Variants in MDC1 observed in about 807,000 individuals in gnomAD.
MDC1 encodes the protein mediator of DNA damage checkpoint 1.
Under a neutral mutation model 142.5 loss-of-function variants are expected in MDC1, and 81 were observed. The ratio of observed to expected loss-of-function variants is 0.57; its 90% confidence interval spans 0.47 to 0.68. The LOEUF is 0.68. MDC1 is among the 30% of genes least tolerant of loss of function. MDC1 has a pLI of 0.00. For missense variants in MDC1, 2,119 were observed against 2,547.9 expected (o/e 0.83, Z 3.62); for synonymous variants, 797 against 968.4 (o/e 0.82, Z 3.29).
rs1773032438 is a variant in MDC1, at chr6:30,703,017, A to G, written c.5865+87T>C. 7 of 1,576,576 alleles carry G rather than the reference A, an allele frequency of 4.4e-6. No individual in the cohort carries two copies. The highest frequency in any genetic ancestry group is 1.8e-5 in the Admixed American group (1 of 56,822). ...TCACCAATGCCCCTGTCTTCCTGTA[A>G]CGCCTCTTCCCTTCCACCACTTTCT... On this transcript the variant is annotated intron_variant, in intron 12 of 14. Transcript: ENST00000376406. The surrounding 1 kb of genome is among the most constrained non-coding windows in gnomAD (Gnocchi z 4.4).
chr6:30,713,230 T>C lies in MDC1; in HGVS notation c.712A>G (p.Arg238Gly). ...PATEEASSAA[R>G]RGATVEAKQS... Reference sequence around the variant, plus strand: ...TTTGCCTCTACAGTGGCACCTCTTCTGGCAGCTGAGGAGGCCTCCTCTGTG... The same window carrying C: ...TTTGCCTCTACAGTGGCACCTCTTCCGGCAGCTGAGGAGGCCTCCTCTGTG... Residue 238 changes from arginine (R) to glycine (G), a missense_variant, in exon 5 of 15, where the codon AGA becomes GGA. Physicochemically the swap from Arg to Gly is moderately radical, Grantham distance 125 (BLOSUM62 -2). Transcript: ENST00000376406. The surrounding 1 kb of genome is among the most constrained non-coding windows in gnomAD (Gnocchi z 4.9). 1 of 1,612,974 alleles carries C rather than the reference T, an allele frequency of 6.2e-7. No individual in the cohort carries two copies. The highest frequency in any genetic ancestry group is 8.5e-7 in the Non-Finnish European group (1 of 1,180,000).
At chr6:30,711,338 T>C in intron 7 of MDC1, 74 bp downstream of exon 7, 1 of 1,367,818 alleles carries the variant, frequency 7.3e-7, no homozygotes, top group Non-Finnish European at 1.0e-6. Flanking sequence ...ACCACTGTAA[T>C]CCAGCCTGAG....
Position 30,704,301 on chromosome 6 carries a change from G to A in MDC1, c.4882C>T (p.Pro1628Ser). The A allele has an allele frequency of 6.2e-7, 1 of 1,613,652 alleles. No homozygotes were observed. Among genetic ancestry groups the A allele is most frequent in the Non-Finnish European group, 8.5e-7 (1 of 1,179,756 alleles). The change falls in exon 10 of 15, where the codon CCT becomes TCT. Residue 1628 changes from proline (P) to serine (S), a missense_variant. Coordinates refer to ENST00000376406, the MANE Select transcript of MDC1 (RefSeq NM_014641.3). ...EPHPTTSTDQ[P>S]VTPKLTSRAT... is the part of the protein sequence containing the mutation. ...CTAGATGTGAGCTTGGGGGTGACAG[G>A]CTGGTCTGTGGAGGTGGTAGGATGG...
intron 7 of MDC1, among the ~76,000 whole-genome samples, chr6:30,708,853 C>T: frequency 1.0e-5 from 1 of 99,674 alleles, no homozygotes; most frequent in South Asian, 4.0e-4. Flanking sequence ...GAGACTCTGT[C>T]TCAAAAAAAA....
rs968918931 is a variant in MDC1, at chr6:30,708,253, C to G, written c.2326G>C (p.Gly776Arg). 3 of 1,612,924 alleles carry G rather than the reference C, an allele frequency of 1.9e-6. No individual in the cohort carries two copies. The African/African-American group carries it at 4.0e-5, about 22-fold the overall frequency. The stretch of plus-strand genomic sequence containing the variant: ...GCCCTAGGTGGAGACAGGCAAGGTC[C>G]ATAGGCCTCAAGGTGCGTGTCAAAA... ...QPFDTHLEAYGPCLSPPRAIP... is the reference protein window; with the variant it reads ...QPFDTHLEAYRPCLSPPRAIP... The change falls in exon 8 of 15, where the codon GGA becomes CGA. Residue 776 changes from glycine to arginine, a missense_variant. By Grantham distance (125) the Gly-to-Arg change is moderately radical. Coordinates refer to ENST00000376406, the MANE Select transcript of MDC1 (RefSeq NM_014641.3).
In MDC1 at chr6:30,713,028, T is replaced by C. The variant is rs1292822029; in HGVS notation, c.914A>G (p.Asp305Gly). 1 of 1,612,730 alleles carries C rather than the reference T, an allele frequency of 6.2e-7. No homozygotes were observed. The highest frequency in any genetic ancestry group is 1.3e-5 in the African/African-American group (1 of 74,942). ...TGGCCTTCCAGGAGGCCTGCTGTCA[T>C]CATCCACATCTGTGTCACTGTCCTC... ...PGEDSDTDVDDDSRPPGRPAE... is the reference protein window; with the variant it reads ...PGEDSDTDVDGDSRPPGRPAE... The change falls in exon 5 of 15, where the codon GAT (aspartate) becomes GGT (glycine). Residue 305 changes from aspartate (D) to glycine (G), a missense_variant. By Grantham distance (94) the Asp-to-Gly change is moderately conservative (BLOSUM62 -1). Transcript: ENST00000376406. The surrounding 1 kb of genome is among the most constrained non-coding windows in gnomAD (Gnocchi z 4.9).
At chr6:30,702,428 C>T in intron 14 of MDC1, 125 bp downstream of exon 14, 1 of 694,940 alleles carries the variant, frequency 1.4e-6, no homozygotes, top group Non-Finnish European at 2.3e-6. Flanking sequence ...GTCTTTTCCC[C>T]CACCCTCTCA....
intron 12 of MDC1, 101 bp from the exon 13 acceptor site, chr6:30,702,978 T>C: frequency 1.3e-6 from 2 of 1,587,626 alleles, no homozygotes; most frequent in Non-Finnish European, 1.7e-6. Context: ...TTTAAATCAA[T>C]GCAGGCTTCT....
chr6:30,704,157 C>T lies in MDC1; in HGVS notation c.5026G>A (p.Ala1676Thr). 6.2e-7 allele frequency: 1 copy of T among 1,613,606 alleles called. No individual in the cohort carries two copies. Among genetic ancestry groups the T allele is most frequent in the South Asian group, 1.1e-5 (1 of 91,004 alleles). ...TDQSVTPEAI[A>T]QGGQSKTLRS... ...AGTGTTTTGCTCTGACCACCCTGAG[C>T]TATGGCCTCAGGGGTGACGGACTGG... Residue 1676 changes from alanine to threonine, a missense_variant, in exon 10 of 15, where the codon GCT becomes ACT. Coordinates refer to ENST00000376406, the MANE Select transcript of MDC1 (RefSeq NM_014641.3).
chr6:30,708,269 C>A lies in MDC1; in HGVS notation c.2310G>T (p.Thr770=). 6.2e-7 allele frequency: 1 copy of A among 1,612,876 alleles called. No individual in the cohort carries two copies. The highest frequency in any genetic ancestry group is 8.5e-7 in the Non-Finnish European group (1 of 1,180,006). ...GGCAAGGTCCATAGGCCTCAAGGTG[C>A]GTGTCAAAAGGCTGGGTCTCAGAGT... The part of the protein sequence containing the change: ...SEDSETQPFD[T]HLEAYGPCLS... The change falls in exon 8 of 15, where the codon ACG becomes ACT. Residue 770 remains threonine (T), a synonymous_variant. Transcript: ENST00000376406.
intron 7 of MDC1, 96 bp from the exon 8 acceptor site, chr6:30,708,453 A>G: frequency 1.1e-6 from 1 of 895,850 alleles, no homozygotes; most frequent in Non-Finnish European, 1.7e-6. Context: ...AATAAATATG[A>G]TGAGAAAGGA....
Position 30,708,123 on chromosome 6 carries a change from T to G in MDC1, c.2456A>C (p.Glu819Ala). The G allele has an allele frequency of 6.2e-7, 1 of 1,613,166 alleles. No homozygotes were observed. Among genetic ancestry groups the G allele is most frequent in the Non-Finnish European group, 8.5e-7 (1 of 1,180,034 alleles). ...CTCAGGGCCCACCCTCTCTGCTGTT[T>G]CTTTTGGTATACCCATGACTTTATC... is the stretch of plus-strand genomic sequence containing the variant. ...TVDKVMGIPK[E>A]TAERVGPERG... The change falls in exon 8 of 15, where the codon GAA becomes GCA. Residue 819 changes from glutamate to alanine, a missense_variant. By Grantham distance (107) the Glu-to-Ala change is moderately radical. Transcript: ENST00000376406.
At position 30,716,215 on chromosome 6, in the gene MDC1, G is replaced by A. The variant is rs951261691; in HGVS notation, c.-4+1030C>T. 1.3e-5 allele frequency among the ~76,000 whole-genome samples: 2 copies of A among 150,030 alleles called. No homozygotes were observed. Among genetic ancestry groups the A allele is most frequent in the African/African-American group, 5.0e-5 (2 of 40,260 alleles). ...CCATCCTTTAAGATTCAGTTCAAAT[G>A]TCACTTTCTTTCTTTTTTTTTTTTT... On this transcript the variant is annotated intron_variant, in intron 1 of 14. Coordinates refer to ENST00000376406, the MANE Select transcript of MDC1 (RefSeq NM_014641.3). The surrounding 1 kb of genome is among the most constrained non-coding windows in gnomAD (Gnocchi z 4.4).
intron 14 of MDC1, among the ~76,000 whole-genome samples, chr6:30,702,349 T>A (rs964712584): frequency 2.0e-5 from 3 of 150,398 alleles, no homozygotes; most frequent in Non-Finnish European, 4.4e-5. Context: ...TGCTGCTGAA[T>A]CTCGGTGATT....
Position 30,713,215 on chromosome 6 carries a change from C to T in MDC1, c.727G>A (p.Val243Ile). 3.7e-6 allele frequency: 6 copies of T among 1,613,138 alleles called. No individual in the cohort carries two copies. Among genetic ancestry groups the T allele is most frequent in the African/African-American group, 1.3e-5 (1 of 75,070 alleles). Reference protein sequence around the residue: ...ASSAARRGATVEAKQSEAEVV... With the variant: ...ASSAARRGATIEAKQSEAEVV... ...TCAGCTTCAGACTGCTTTGCCTCTA[C>T]AGTGGCACCTCTTCTGGCAGCTGAG... Residue 243 changes from valine to isoleucine, a missense_variant, in exon 5 of 15, where the codon GTA (valine) becomes ATA (isoleucine). Physicochemically the swap from Val to Ile is conservative, Grantham distance 29 (BLOSUM62 3). Transcript: ENST00000376406. The surrounding 1 kb of genome is among the most constrained non-coding windows in gnomAD (Gnocchi z 4.9).
intron 7 of MDC1, among the ~76,000 whole-genome samples, chr6:30,710,181 G>A (rs918391034): frequency 4.0e-5 from 6 of 150,046 alleles, no homozygotes; most frequent in African/African-American, 1.2e-4. Context: ...CTCTGCCTCC[G>A]GGGTTCAAAT....
intron 7 of MDC1, among the ~76,000 whole-genome samples, chr6:30,708,917 C>T (rs1198418526): frequency 2.7e-5 from 4 of 148,704 alleles, no homozygotes; most frequent in African/African-American, 9.9e-5. Context: ...AATATGAGTT[C>T]CCTGAATAGT....
In MDC1 at chr6:30,705,422, G is replaced by A. The variant is rs757009558; in HGVS notation, c.3761C>T (p.Thr1254Ile). Reference protein sequence around the residue: ...VPTAPELQPSTSTDQPVTSEP... With the variant: ...VPTAPELQPSISTDQPVTSEP... ...AGAAGTGACAGGCTGGTCTGTGGAG[G>A]TGGAAGGCTGGAGCTCAGGGGCTGT... The change falls in exon 10 of 15, where the codon ACC (threonine) becomes ATC (isoleucine). Residue 1254 changes from threonine (T) to isoleucine (I), a missense_variant. Physicochemically the swap from Thr to Ile is moderately conservative, Grantham distance 89. Transcript: ENST00000376406. 1 of 1,606,074 alleles carries A rather than the reference G, an allele frequency of 6.2e-7. No individual in the cohort carries two copies. The highest frequency in any genetic ancestry group is 1.7e-5 in the Admixed American group (1 of 58,766).
In MDC1 at chr6:30,700,175, G is replaced by T. The variant is rs899458009; in HGVS notation, c.*290C>A. 12 of 305,302 alleles carry T rather than the reference G, an allele frequency of 3.9e-5. No individual in the cohort carries two copies. Among genetic ancestry groups the T allele is most frequent in the African/African-American group, 2.6e-4 (12 of 47,042 alleles). The allele number at this position is 305,302 out of a possible 1,614,324, so 18.9% of individuals were successfully genotyped here. ...CATGAAACTAGCTAATTTTAAAATG[G>T]CCATTTAATACATGCATGTAAGAAA... On this transcript the variant is annotated 3_prime_UTR_variant, in exon 15 of 15. Transcript: ENST00000376406.
Sources: allele counts gnomAD v4.1 joint callset (sites outside exome capture counted in the v4.1 genomes callset), GRCh38; gene constraint gnomAD v4.1.1; non-coding constraint Gnocchi (gnomAD v3.1); transcripts MANE v1.5; gene names NCBI Gene and HGNC (gene_info 2026-07-23, HGNC 2026-07-21).